The following CNTLN variants were observed in gnomAD, a reference collection of about 807,000 sequenced individuals.
CNTLN encodes centlein, centrosomal protein.
In CNTLN, 212 loss-of-function variants were observed where a neutral mutation model predicts 180.0. The ratio of observed to expected loss-of-function variants is 1.18; its 90% CI spans 1.05 to 1.32. The LOEUF is 1.32. CNTLN is among the 40% of genes most tolerant of loss of function. The pLI, the probability that CNTLN is intolerant of heterozygous loss-of-function variation, is 0.00. For synonymous variants in CNTLN, 722 were observed against 563.1 expected (o/e 1.28, Z -3.99); for missense variants, 2,095 against 1,610.9 (o/e 1.30, Z -5.14).
At chr9:17,413,751 C>T (rs1195620057) in intron 16 of CNTLN, among the ~76,000 whole-genome samples, 2 of 152,138 alleles carry the variant, frequency 1.3e-5, no homozygotes, top group Non-Finnish European at 2.9e-5. Flanking sequence ...CTGGATCTCT[C>T]ATATATTGTT....
rs536550523 is a variant in CNTLN, at chr9:17,387,183, A to G, written c.1988-979A>G. ...TTTATACCAGGAGGATTTCTACTCT[A>G]CAGAGAATAATATTGTTTTCTTTTT... On this transcript the variant is annotated intron_variant, in intron 13 of 25. Transcript: ENST00000380647. 2.6e-5 allele frequency among the ~76,000 whole-genome samples: 4 copies of G among 152,324 alleles called. No homozygotes were observed. The South Asian group carries it at 8.3e-4, about 32-fold the overall frequency.
At chr9:17,237,143 A>C (rs1825194791) in intron 5 of CNTLN, among the ~76,000 whole-genome samples, 1 of 152,060 alleles carries the variant, frequency 6.6e-6, no homozygotes, top group Non-Finnish European at 1.5e-5. Context: ...CCTTTTTAAA[A>C]GGCTAATCAA....
chr9:17,381,550 A>G (rs1825256964), intron 13 of CNTLN, among the ~76,000 whole-genome samples: 1 of 152,182 alleles, frequency 6.6e-6, no homozygotes. Context: ...TGTAACATAT[A>G]TTTTGCCACC....
intron 2 of CNTLN, among the ~76,000 whole-genome samples, chr9:17,152,429 T>C (rs1169726145): frequency 6.6e-6 from 1 of 152,214 alleles, no homozygotes; most frequent in Non-Finnish European, 1.5e-5. Context: ...CCAGTAGTCA[T>C]TCAGGAGCAG....
rs1158997636 is a variant in CNTLN, at chr9:17,477,882, G to T, written c.3856-6413G>T. On this transcript the variant is annotated intron_variant, in intron 23 of 25. Transcript: ENST00000380647. The stretch of plus-strand genomic sequence containing the variant: ...ATTGACTCCAGTTTTGAAAGAAGTT[G>T]TGCTGTGGTAAAATGCTACTGAACA... Among the ~76,000 whole-genome samples the T allele has an allele frequency of 2.6e-5, 4 of 152,312 alleles. No homozygotes were observed. The East Asian group carries it at 5.8e-4, about 22-fold the overall frequency.
At chr9:17,282,406 C>G (rs543835878) in intron 6 of CNTLN, among the ~76,000 whole-genome samples, 1 of 152,064 alleles carries the variant, frequency 6.6e-6, no homozygotes, top group Non-Finnish European at 1.5e-5. Context: ...AGTGTCTGTT[C>G]GTGTCCTTTG....
chr9:17,338,889 A>G (rs557779385), intron 10 of CNTLN, among the ~76,000 whole-genome samples: 2 of 152,314 alleles, frequency 1.3e-5, no homozygotes, highest in African/African-American at 2.4e-5. Flanking sequence ...TCTTATCAAC[A>G]CAGCATCCTA....
chr9:17,359,736 A>AAAAAAAAAC (rs1823180659), intron 12 of CNTLN, among the ~76,000 whole-genome samples: 3 of 112,546 alleles, frequency 2.7e-5, no homozygotes, highest in African/African-American at 1.0e-4. Context: ...AAAAAAAAAA[A>AAAAAAAAAC]AAAAAAAAAA....
chr9:17,455,171 A>T (rs764275370), intron 18 of CNTLN, among the ~76,000 whole-genome samples: 1 of 152,204 alleles, frequency 6.6e-6, no homozygotes, highest in Non-Finnish European at 1.5e-5. Context: ...TTATTTGTCC[A>T]CAATGCTAAG....
chr9:17,160,364 A>G (rs1819594576), intron 2 of CNTLN, among the ~76,000 whole-genome samples: 1 of 152,114 alleles, frequency 6.6e-6, no homozygotes, highest in Non-Finnish European at 1.5e-5. Context: ...TATGTAAAGA[A>G]CTTATTGGCT....
chr9:17,182,281 G>A (rs1024559298), intron 2 of CNTLN, among the ~76,000 whole-genome samples: 3 of 152,030 alleles, frequency 2.0e-5, no homozygotes, highest in African/African-American at 7.2e-5. Context: ...CTTTCGTTGA[G>A]GCTTTTTTCT....
chr9:17,239,208 T>G (rs1825339147), intron 5 of CNTLN, among the ~76,000 whole-genome samples: 1 of 152,116 alleles, frequency 6.6e-6, no homozygotes, highest in South Asian at 2.1e-4. Flanking sequence ...AATTTGTGTA[T>G]TTTTAGTAGA....
At chr9:17,148,259 A>C (rs1361801056) in intron 2 of CNTLN, among the ~76,000 whole-genome samples, 1 of 152,208 alleles carries the variant, frequency 6.6e-6, no homozygotes, top group Non-Finnish European at 1.5e-5. Context: ...TTTAGTGTTT[A>C]CAGACAATTC....
chr9:17,290,214 T>A (rs1238713955), intron 6 of CNTLN, among the ~76,000 whole-genome samples: 2 of 152,116 alleles, frequency 1.3e-5, no homozygotes, highest in Non-Finnish European at 2.9e-5. Flanking sequence ...TGTTTGTTAG[T>A]TTTCCTTCTA....
intron 13 of CNTLN, among the ~76,000 whole-genome samples, chr9:17,380,449 G>T (rs1825149353): frequency 6.6e-6 from 1 of 152,184 alleles, no homozygotes; most frequent in African/African-American, 2.4e-5. Flanking sequence ...GTGTGTAACA[G>T]TGTGATTGGC....
chr9:17,433,315 C>A (rs1184551334), intron 18 of CNTLN, among the ~76,000 whole-genome samples: 1 of 150,350 alleles, frequency 6.7e-6, no homozygotes, highest in African/African-American at 2.4e-5. Context: ...AATGGAGTCT[C>A]GTTCTGTCGC....
chr9:17,461,268 A>T (rs2134181779), intron 19 of CNTLN, among the ~76,000 whole-genome samples: 1 of 151,742 alleles, frequency 6.6e-6, no homozygotes, highest in Non-Finnish European at 1.5e-5. Flanking sequence ...TCATCAGAGA[A>T]AGAATTGAAA....
At chr9:17,453,772 C>G (rs1830940780) in intron 18 of CNTLN, among the ~76,000 whole-genome samples, 1 of 152,182 alleles carries the variant, frequency 6.6e-6, no homozygotes, top group South Asian at 2.1e-4. Context: ...TCATTCTCAA[C>G]TCATTGAGGC....
At chr9:17,433,819 A>G (rs1829585653) in intron 18 of CNTLN, among the ~76,000 whole-genome samples, 1 of 152,106 alleles carries the variant, frequency 6.6e-6, no homozygotes, top group African/African-American at 2.4e-5. Flanking sequence ...GGCCTCAAGC[A>G]GTCCTCTCAC....
Sources: gnomAD v4.1 joint callset for allele counts (sites outside exome capture counted in the v4.1 genomes callset) on GRCh38, gnomAD v4.1.1 for gene constraint, MANE v1.5 for transcripts, NCBI Gene and HGNC (gene_info 2026-07-23, HGNC 2026-07-21) for gene names.